MIR2052HG: variants seen among roughly 807,000 people sequenced by gnomAD.
MIR2052HG encodes the protein MIR2052 host gene.
rs1482046457 is a variant in MIR2052HG at position 74,687,005 on chromosome 8, A to G, written n.217-15374A>G. On this transcript the variant is annotated intron_variant and non_coding_transcript_variant, in intron 2 of 6. Transcript: ENST00000523442. ...TACATATCCTGTATCACAGCTAAAA[A>G]TGGTATAGGCTCATCTGGCTTTTAA... Among the ~76,000 whole-genome samples the G allele has an allele frequency of 7.2e-5, 11 of 152,316 alleles. No homozygotes were observed. The East Asian group carries it at 2.1e-3, about 29-fold the overall frequency.
At chr8:74,655,344 G>GT (rs1808793474) in intron 2 of MIR2052HG, among the ~76,000 whole-genome samples, 1 of 152,150 alleles carries the variant, frequency 6.6e-6, no homozygotes, top group African/African-American at 2.4e-5. Context: ...CATGTCATAG[G>GT]TCTTCATGGC....
At chr8:74,706,626 A>G (rs73687253) in intron 4 of MIR2052HG, among the ~76,000 whole-genome samples, 1,771 of 152,216 alleles carry the variant, frequency 0.012, 41 homozygotes, top group African/African-American at 0.04. Context: ...TTTGCTGGCA[A>G]CGAGAGCAGG....
At chr8:74,608,863 G>A (rs767230841) in intron 1 of MIR2052HG, among the ~76,000 whole-genome samples, 153 of 151,908 alleles carry the variant, frequency 1.0e-3, no homozygotes, top group Non-Finnish European at 1.6e-3. Context: ...TCTCAAGTCA[G>A]TAATCTCAGC....
chr8:74,741,326 A>G lies in MIR2052HG; in HGVS notation n.372-11115A>G, dbSNP rs1809825998. ...GTACTTTAAAAATTTTCCTGTACAG[A>G]ACTTGCCTTGCCTGCATGTTTAGCA... On this transcript the variant is annotated intron_variant and non_coding_transcript_variant, in intron 4 of 6. Coordinates refer to ENST00000523442, the Ensembl canonical transcript of MIR2052HG. Among the ~76,000 whole-genome samples the G allele has an allele frequency of 2.6e-5, 4 of 152,196 alleles. No homozygotes were observed. In the South Asian group the frequency reaches 8.3e-4, roughly 32 times the overall value.
intron 4 of MIR2052HG, among the ~76,000 whole-genome samples, chr8:74,748,252 A>C (rs1809907624): frequency 6.6e-6 from 1 of 152,250 alleles, no homozygotes; most frequent in Non-Finnish European, 1.5e-5. Flanking sequence ...TCTTTGAGGT[A>C]AAACAGATTC....
chr8:74,687,341 T>C (rs1809193035), intron 2 of MIR2052HG, among the ~76,000 whole-genome samples: 2 of 152,198 alleles, frequency 1.3e-5, no homozygotes, highest in African/African-American at 4.8e-5. Flanking sequence ...ATTCCAAATC[T>C]GGGCATATAT....
chr8:74,709,001 A>G (rs1809440542), intron 4 of MIR2052HG, among the ~76,000 whole-genome samples: 1 of 152,102 alleles, frequency 6.6e-6, no homozygotes, highest in Non-Finnish European at 1.5e-5. Context: ...GATAGAATGG[A>G]CCTAATTAAT....
intron 2 of MIR2052HG, among the ~76,000 whole-genome samples, chr8:74,671,509 C>T (rs1047424875): frequency 6.6e-6 from 1 of 151,704 alleles, no homozygotes; most frequent in Admixed American, 6.6e-5. Flanking sequence ...GGTACTTTTA[C>T]TCTCATTTTA....
At chr8:74,626,629 C>T (rs116823999) in intron 2 of MIR2052HG, among the ~76,000 whole-genome samples, 1,671 of 152,182 alleles carry the variant, frequency 0.011, 26 homozygotes, top group African/African-American at 0.038. Flanking sequence ...TTCTATATGC[C>T]GTGAATACTA....
At chr8:74,698,121 A>T (rs1302070062) in intron 2 of MIR2052HG, among the ~76,000 whole-genome samples, 3 of 152,354 alleles carry the variant, frequency 2.0e-5, no homozygotes, top group East Asian at 1.9e-4. Context: ...GTAAGGCCAT[A>T]GTCACCAAAG....
intron 1 of MIR2052HG, among the ~76,000 whole-genome samples, chr8:74,600,537 C>T (rs1373240239): frequency 1.3e-5 from 2 of 148,510 alleles, no homozygotes; most frequent in Non-Finnish European, 3.0e-5. Flanking sequence ...AGCTGCATTC[C>T]AGCCTGGGCA....
intron 1 of MIR2052HG, among the ~76,000 whole-genome samples, chr8:74,611,759 T>C (rs920966532): frequency 2.0e-5 from 3 of 152,226 alleles, no homozygotes; most frequent in Non-Finnish European, 4.4e-5. Context: ...TGGCTCCTCA[T>C]GTAAATTTGC....
At chr8:74,753,790 A>G (rs1809972654) in intron 5 of MIR2052HG, among the ~76,000 whole-genome samples, 2 of 151,900 alleles carry the variant, frequency 1.3e-5, no homozygotes, top group Admixed American at 1.3e-4. Context: ...TCTCCTTGCA[A>G]TTTTCACCTC....
At chr8:74,678,188 G>A (rs1161177228) in intron 2 of MIR2052HG, among the ~76,000 whole-genome samples, 2 of 152,110 alleles carry the variant, frequency 1.3e-5, no homozygotes, top group Admixed American at 6.6e-5. Context: ...AACTGCCTCA[G>A]ATGACTTTAC....
At chr8:74,623,990 T>C (rs746502807) in intron 2 of MIR2052HG, among the ~76,000 whole-genome samples, 17 of 152,244 alleles carry the variant, frequency 1.1e-4, no homozygotes, top group Non-Finnish European at 2.1e-4. Flanking sequence ...CAAGCAGTTA[T>C]ATTCCCTTTT....
intron 4 of MIR2052HG, among the ~76,000 whole-genome samples, chr8:74,726,990 T>C (rs947138878): frequency 3.9e-5 from 6 of 152,242 alleles, no homozygotes; most frequent in African/African-American, 1.4e-4. Flanking sequence ...GAACATTACA[T>C]CAGCTTGTTT....
intron 2 of MIR2052HG, among the ~76,000 whole-genome samples, chr8:74,614,365 T>C (rs374102371): frequency 2.6e-5 from 4 of 152,340 alleles, no homozygotes; most frequent in Admixed American, 1.3e-4. Flanking sequence ...ATCTTCTACC[T>C]GTTCTCTAAG....
rs532577488 is a variant in MIR2052HG at position 74,749,678 on chromosome 8, G to T, written n.372-2763G>T. On this transcript the variant is annotated intron_variant and non_coding_transcript_variant, in intron 4 of 6. Coordinates refer to ENST00000523442, the Ensembl canonical transcript of MIR2052HG. The stretch of plus-strand genomic sequence containing the variant: ...AGCCTGACCAACATGGTGAAACCCT[G>T]CCTCCACTAAAAATACAAAAATTAG... 3.7e-3 allele frequency among the ~76,000 whole-genome samples: 558 copies of T among 151,942 alleles called. 3 individuals carry two copies. The highest frequency in any genetic ancestry group is 0.013 in the African/African-American group (523 of 41,428).
intron 2 of MIR2052HG, among the ~76,000 whole-genome samples, chr8:74,638,992 C>T (rs1033328966): frequency 3.9e-5 from 6 of 152,136 alleles, no homozygotes; most frequent in Non-Finnish European, 8.8e-5. Flanking sequence ...TATAAAGTGG[C>T]TTGGGAATGA....
Sources: allele counts gnomAD v4.1 joint callset (sites outside exome capture counted in the v4.1 genomes callset), GRCh38; gene constraint gnomAD v4.1.1; transcripts MANE v1.5; gene names NCBI Gene and HGNC (gene_info 2026-07-23, HGNC 2026-07-21).